The following CADPS variants were observed in gnomAD, a reference collection of about 807,000 sequenced individuals.
The protein encoded by CADPS is calcium-dependent secretion activator 1.
Under a neutral mutation model 167.3 loss-of-function variants are expected in CADPS, and 57 were observed. The observed-to-expected ratio is 0.34, with a 90% confidence interval of 0.28 to 0.42. The LOEUF is 0.42. Ranked by LOEUF, CADPS falls within the 20% of genes least tolerant of loss-of-function variation. The probability of loss-of-function intolerance (pLI) is 1.00; values close to 1 mark genes in which losing one functional copy is unlikely to be tolerated. For missense variants in CADPS, 1,414 were observed against 1,738.1 expected (o/e 0.81, Z 3.32); for synonymous variants, 676 against 635.3 (o/e 1.06, Z -0.96).
Position 62,753,350 on chromosome 3 carries a change from C to CT in CADPS, c.888+90dup, listed in dbSNP as rs924596275. On this transcript the variant is annotated intron_variant, in intron 3 of 29. Transcript: ENST00000383710. This position sits in a 1 kb window ranked among gnomAD's most constrained non-coding sequence, Gnocchi z 4.6. ...GAGTAATAAAATATAAGTTTTAATC[C>CT]TTTTTTTAAAAAAATCAAGAAGTAT... 24 of 989,632 alleles carry CT rather than the reference C, an allele frequency of 2.4e-5. No individual in the cohort carries two copies. The highest frequency in any genetic ancestry group is 4.9e-5 in the African/African-American group (3 of 61,588). The allele number at this position is 989,632 out of a possible 1,614,324, so 61.3% of individuals were successfully genotyped here.
chr3:62,453,747 C>T (rs2058359081), intron 26 of CADPS, among the ~76,000 whole-genome samples: 1 of 152,176 alleles, frequency 6.6e-6, no homozygotes, highest in African/African-American at 2.4e-5. Flanking sequence ...GAGAAAAACA[C>T]AACCCTTAAA....
At position 62,420,675 on chromosome 3, in the gene CADPS, G is replaced by C. The variant is rs946206128; in HGVS notation, c.3777+17429C>G. 2.6e-5 allele frequency among the ~76,000 whole-genome samples: 4 copies of C among 152,162 alleles called. No individual in the cohort carries two copies. The highest frequency in any genetic ancestry group is 2.6e-4 in the Admixed American group (4 of 15,270). On this transcript the variant is annotated intron_variant, in intron 28 of 29. Coordinates refer to ENST00000383710, the MANE Select transcript of CADPS (RefSeq NM_003716.4). This position sits in a 1 kb window ranked among gnomAD's most constrained non-coding sequence, Gnocchi z 4.1. ...TCTGATGCCTGGGGCCCAGGAATGAGGAAAATAAAGACAAAGTGCTGCTTT... is the reference window on the plus strand; with the variant it reads ...TCTGATGCCTGGGGCCCAGGAATGACGAAAATAAAGACAAAGTGCTGCTTT...
intron 11 of CADPS, among the ~76,000 whole-genome samples, chr3:62,549,447 G>GTTTTTTTTTTTTTTTTTTTTTTTT (rs3074235): frequency 7.7e-6 from 1 of 129,288 alleles, no homozygotes; most frequent in Non-Finnish European, 1.6e-5. Flanking sequence ...CATGTTTTGT[G>GTTTTTTTTTTTTTTTTTTTTTTTT]TTTTTTTTTT....
At chr3:62,871,969 TGTGA>T (rs2082710145) in intron 1 of CADPS, among the ~76,000 whole-genome samples, 3 of 152,218 alleles carry the variant, frequency 2.0e-5, no homozygotes, top group Non-Finnish European at 2.9e-5. Flanking sequence ...GAAAAAGTGG[TGTGA>T]GTATTGTGAT....
intron 3 of CADPS, among the ~76,000 whole-genome samples, chr3:62,745,986 A>G (rs2081363171): frequency 6.6e-6 from 1 of 152,232 alleles, no homozygotes; most frequent in Admixed American, 6.5e-5. Context: ...TGTTTCAGGA[A>G]GGAAAACAGC....
chr3:62,789,240 G>A (rs1181362827), intron 1 of CADPS, among the ~76,000 whole-genome samples: 1 of 152,108 alleles, frequency 6.6e-6, no homozygotes, highest in Non-Finnish European at 1.5e-5. Context: ...GGTTCTTCTT[G>A]ACAATACTGA....
At chr3:62,564,528 T>A (rs889630862) in intron 9 of CADPS, among the ~76,000 whole-genome samples, 2 of 152,142 alleles carry the variant, frequency 1.3e-5, no homozygotes, top group Middle Eastern at 3.2e-3. Context: ...ATATTACAGT[T>A]TGTACAGTGC....
chr3:62,856,249 T>C (rs1199283704), intron 1 of CADPS, among the ~76,000 whole-genome samples: 1 of 152,144 alleles, frequency 6.6e-6, no homozygotes, highest in Non-Finnish European at 1.5e-5. Flanking sequence ...GAAGATCAAC[T>C]AGTAAATGTT....
intron 17 of CADPS, among the ~76,000 whole-genome samples, chr3:62,501,158 A>G (rs1345826243): frequency 1.3e-5 from 2 of 152,194 alleles, no homozygotes; most frequent in African/African-American, 4.8e-5. Context: ...TAGGCAGAGA[A>G]CAACCAACAC....
intron 8 of CADPS, among the ~76,000 whole-genome samples, chr3:62,578,657 C>T (rs1355252080): frequency 6.7e-6 from 1 of 149,894 alleles, no homozygotes; most frequent in East Asian, 1.9e-4. Context: ...AATGCTTCTG[C>T]ATCTAATAAC....
intron 26 of CADPS, among the ~76,000 whole-genome samples, chr3:62,451,828 T>C (rs1473964533): frequency 6.6e-6 from 1 of 152,150 alleles, no homozygotes; most frequent in Non-Finnish European, 1.5e-5. Context: ...TTTGCTCCCT[T>C]TTCCACTTCC....
chr3:62,547,470 CAGAAGAAGGTAA>C (rs2076636773), intron 11 of CADPS, among the ~76,000 whole-genome samples: 1 of 151,264 alleles, frequency 6.6e-6, no homozygotes. Flanking sequence ...GGAGACAGTA[CAGAAGAAGGTAA>C]ATCTACCACT....
chr3:62,796,644 C>G (rs1035513030), intron 1 of CADPS, among the ~76,000 whole-genome samples: 5 of 152,086 alleles, frequency 3.3e-5, no homozygotes, highest in Admixed American at 6.6e-5. Flanking sequence ...TTTATATGGG[C>G]ATCATTTGCT....
At chr3:62,440,497 C>CT (rs2056096243) in intron 27 of CADPS, 1 of 2,276 alleles carries the variant, frequency 4.4e-4, no homozygotes, top group African/African-American at 5.0e-4. Flanking sequence ...ACTATGATTC[C>CT]CCCCCCCCCC....
chr3:62,766,029 A>G, intron 1 of CADPS, 45 bp from the exon 2 acceptor site: 3 of 1,392,720 alleles, frequency 2.2e-6, no homozygotes, highest in Middle Eastern at 1.8e-4. Context: ...CTTGTCCTAG[A>G]CAAGGATCAT....
chr3:62,721,463 C>G (rs1379557581), intron 3 of CADPS, among the ~76,000 whole-genome samples: 2 of 152,146 alleles, frequency 1.3e-5, no homozygotes, highest in Non-Finnish European at 2.9e-5. Context: ...GTGCTCTAAG[C>G]TGTGGGTAGG....
intron 1 of CADPS, among the ~76,000 whole-genome samples, chr3:62,843,809 T>G (rs2076983009): frequency 6.6e-6 from 1 of 151,032 alleles, no homozygotes; most frequent in South Asian, 2.1e-4. Flanking sequence ...AATATCCAAC[T>G]ACAAGAGTAG....
chr3:62,615,035 G>T (rs2062043833), intron 6 of CADPS, among the ~76,000 whole-genome samples: 1 of 152,176 alleles, frequency 6.6e-6, no homozygotes, highest in Non-Finnish European at 1.5e-5. Flanking sequence ...ATGAAAATTT[G>T]TCAAGGATAC....
chr3:62,512,583 T>C (rs1049216138), intron 17 of CADPS, among the ~76,000 whole-genome samples, 168 bp downstream of exon 17: 6 of 152,166 alleles, frequency 3.9e-5, no homozygotes, highest in Non-Finnish European at 5.9e-5. Flanking sequence ...CAACATCAAA[T>C]GGGCATGAGA....
Sources: allele counts gnomAD v4.1 joint callset (sites outside exome capture counted in the v4.1 genomes callset), GRCh38; gene constraint gnomAD v4.1.1; non-coding constraint Gnocchi (gnomAD v3.1); transcripts MANE v1.5; gene names NCBI Gene and HGNC (gene_info 2026-07-23, HGNC 2026-07-21).